Variants in PTPRN2 observed in about 807,000 individuals in gnomAD.
PTPRN2 encodes the protein protein tyrosine phosphatase receptor type N2.
A neutral mutation model predicts 118.8 loss-of-function variants in PTPRN2; 74 were observed. The observed-to-expected ratio is 0.62, with a 90% confidence interval of 0.52 to 0.76. The LOEUF is 0.76. Among genes scored for constraint, PTPRN2 ranks in the 30% least tolerant of loss-of-function variants. The pLI is 0.00. For missense variants in PTPRN2, 1,481 were observed against 1,394.4 expected, an observed-to-expected ratio of 1.06 and a Z score of -0.99; for synonymous variants, 641 against 608.0, an observed-to-expected ratio of 1.05 and a Z score of -0.80.
chr7:158,561,913 G>T (rs1002181089), intron 1 of PTPRN2, among the ~76,000 whole-genome samples: 3 of 152,180 alleles, frequency 2.0e-5, no homozygotes, highest in African/African-American at 7.2e-5. Context: ...TTGCAGCCCA[G>T]CAAGCGTGGT....
At chr7:158,107,338 C>A (rs190059649) in intron 10 of PTPRN2, among the ~76,000 whole-genome samples, 5 of 152,274 alleles carry the variant, frequency 3.3e-5, no homozygotes, top group East Asian at 1.9e-4. Flanking sequence ...AACCCTCCCC[C>A]CTCCTAAGTC....
At chr7:158,296,006 T>G (rs4909170) in intron 3 of PTPRN2, among the ~76,000 whole-genome samples, 1 of 152,186 alleles carries the variant, frequency 6.6e-6, no homozygotes, top group African/African-American at 2.4e-5. Context: ...GCTTCTGATA[T>G]GGGAGATGGG....
chr7:157,555,954 C>T (rs569008893), intron 21 of PTPRN2, among the ~76,000 whole-genome samples: 3 of 152,352 alleles, frequency 2.0e-5, no homozygotes, highest in East Asian at 1.9e-4. Flanking sequence ...CTGGAGCTCA[C>T]GCTGTGGGAG....
At chr7:158,539,521 A>C (rs1825847765) in intron 1 of PTPRN2, 1 of 155,278 alleles carries the variant, frequency 6.4e-6, no homozygotes. Context: ...GAGCAAACCC[A>C]GGGAGCTCGA....
chr7:158,283,873 G>A (rs942838841), intron 3 of PTPRN2, among the ~76,000 whole-genome samples: 18 of 152,080 alleles, frequency 1.2e-4, no homozygotes, highest in Admixed American at 1.0e-3. Context: ...GAATCACCAC[G>A]TCGTTCAGAA....
At chr7:158,055,053 A>C (rs1239649956) in intron 11 of PTPRN2, among the ~76,000 whole-genome samples, 1 of 152,228 alleles carries the variant, frequency 6.6e-6, no homozygotes, top group Non-Finnish European at 1.5e-5. Context: ...CCAGTGTAAT[A>C]AAATATGTAA....
At chr7:158,054,767 C>G (rs1809651994) in intron 11 of PTPRN2, among the ~76,000 whole-genome samples, 2 of 152,258 alleles carry the variant, frequency 1.3e-5, no homozygotes, top group African/African-American at 4.8e-5. Flanking sequence ...ACCGTCAGCC[C>G]TGCCTTCCAT....
At chr7:158,445,493 G>C (rs114420057) in intron 2 of PTPRN2, among the ~76,000 whole-genome samples, 156 of 152,282 alleles carry the variant, frequency 1.0e-3, no homozygotes, top group African/African-American at 3.7e-3. Context: ...AGCCTGAGCC[G>C]GACCAGTGAC....
At chr7:158,522,529 G>A (rs1287339279) in intron 1 of PTPRN2, among the ~76,000 whole-genome samples, 2 of 152,236 alleles carry the variant, frequency 1.3e-5, no homozygotes, top group East Asian at 3.9e-4. Flanking sequence ...GTCCAGGATG[G>A]TGCATGTGCA....
At chr7:158,393,787 C>G (rs1049129901) in intron 2 of PTPRN2, among the ~76,000 whole-genome samples, 2 of 152,090 alleles carry the variant, frequency 1.3e-5, no homozygotes, top group Non-Finnish European at 2.9e-5. Flanking sequence ...AAGCCCACAC[C>G]GTCTTCATGA....
At chr7:158,040,424 TGCACATGCAC>T (rs1177871147) in intron 11 of PTPRN2, among the ~76,000 whole-genome samples, 7 of 150,986 alleles carry the variant, frequency 4.6e-5, no homozygotes, top group Non-Finnish European at 1.0e-4. Context: ...ACAAACACAC[TGCACATGCAC>T]ACACGTGCAC....
At chr7:158,398,968 ATTT>A (rs574064918) in intron 2 of PTPRN2, among the ~76,000 whole-genome samples, 37 of 152,068 alleles carry the variant, frequency 2.4e-4, no homozygotes, top group African/African-American at 8.2e-4. Context: ...ACTAGTATTA[ATTT>A]TTTTTCTTTT....
chr7:158,112,862 C>T (rs1402584198), intron 9 of PTPRN2, among the ~76,000 whole-genome samples: 5 of 152,170 alleles, frequency 3.3e-5, no homozygotes, highest in Admixed American at 6.5e-5. Flanking sequence ...CACAGCAGGG[C>T]GTCCAGGCTG....
intron 3 of PTPRN2, among the ~76,000 whole-genome samples, chr7:158,256,283 G>A (rs569963090): frequency 6.6e-6 from 1 of 152,090 alleles, no homozygotes; most frequent in Non-Finnish European, 1.5e-5. Flanking sequence ...GTCTGATGCC[G>A]ACTGGCTGAG....
At chr7:158,130,682 CAG>C (rs1417368499) in intron 9 of PTPRN2, among the ~76,000 whole-genome samples, 3 of 133,722 alleles carry the variant, frequency 2.2e-5, no homozygotes, top group African/African-American at 9.2e-5. Context: ...CACGTACATA[CAG>C]ACACACACAT....
At chr7:157,750,859 C>T (rs537479436) in intron 12 of PTPRN2, among the ~76,000 whole-genome samples, 10 of 152,292 alleles carry the variant, frequency 6.6e-5, no homozygotes, top group South Asian at 6.2e-4. Flanking sequence ...CCAGAGACAC[C>T]GTGGCATTGG....
chr7:158,280,193 C>T (rs964449065), intron 3 of PTPRN2, among the ~76,000 whole-genome samples: 1 of 152,246 alleles, frequency 6.6e-6, no homozygotes, highest in African/African-American at 2.4e-5. Context: ...AACACCAAAT[C>T]CTAAATCCAC....
intron 1 of PTPRN2, chr7:158,539,364 C>T (rs1825838799): frequency 6.6e-6 from 1 of 152,320 alleles, no homozygotes; most frequent in Non-Finnish European, 1.5e-5. Context: ...GCCTTTTAAA[C>T]ATCCTTAGGG....
At chr7:157,904,505 GAGC>G (rs1463979751) in intron 11 of PTPRN2, among the ~76,000 whole-genome samples, 1 of 152,240 alleles carries the variant, frequency 6.6e-6, no homozygotes, top group African/African-American at 2.4e-5. Context: ...ACAGTGCCCT[GAGC>G]AGGTGCCGGG....
Sources: gnomAD v4.1 joint callset for allele counts (sites outside exome capture counted in the v4.1 genomes callset) on GRCh38, gnomAD v4.1.1 for gene constraint, MANE v1.5 for transcripts, NCBI Gene and HGNC (gene_info 2026-07-23, HGNC 2026-07-21) for gene names.